MGST1: variants seen among roughly 807,000 people sequenced by gnomAD.
MGST1 encodes the protein glutathione S-transferase 12.
MGST1 carries 5 observed loss-of-function variants against 8.9 expected under a neutral mutation model. The observed-to-expected ratio is 0.56, with a 90% CI of 0.29 to 1.19. The LOEUF is 1.19. Among genes scored for constraint, MGST1 ranks in the 50% most tolerant of loss-of-function variants. The pLI, the probability that MGST1 is intolerant of heterozygous loss-of-function variation, is 0.08. For synonymous variants in MGST1, 54 were observed against 67.8 expected, an observed-to-expected ratio of 0.80 and a Z score of 1.00; for missense variants, 182 against 187.4, an observed-to-expected ratio of 0.97 and a Z score of 0.17.
Position 16,589,008 on chromosome 12 carries a change from G to A in MGST1, n.483-520G>A, listed in dbSNP as rs78654687. Among the ~76,000 whole-genome samples, 4,376 of 152,054 alleles carry A rather than the reference G, an allele frequency of 0.029. 214 individuals carry two copies. The highest frequency in any genetic ancestry group is 0.1 in the African/African-American group (4,141 of 41,446). ...GATTCCTATTTCTAGAGAAGAAAACGCAGACTTGGAGAGGTTGAGTAAGTT... is the reference window on the plus strand; with the variant it reads ...GATTCCTATTTCTAGAGAAGAAAACACAGACTTGGAGAGGTTGAGTAAGTT... On this transcript the variant is annotated intron_variant and non_coding_transcript_variant, in intron 4 of 4. Transcript: ENST00000538857. This position sits in a 1 kb window ranked among gnomAD's most constrained non-coding sequence, Gnocchi z 4.2.
At chr12:16,552,081 T>C (rs993633115) in intron 4 of MGST1, among the ~76,000 whole-genome samples, 3 of 152,218 alleles carry the variant, frequency 2.0e-5, no homozygotes, top group East Asian at 3.9e-4. Context: ...TCATAAAGCA[T>C]TGTTTAATGT....
chr12:16,394,276 C>CT (rs1389101783), intron 1 of MGST1, among the ~76,000 whole-genome samples: 1 of 151,260 alleles, frequency 6.6e-6, no homozygotes, highest in African/African-American at 2.4e-5. Context: ...AGTATCTTTT[C>CT]TTTTTTTTCT....
At chr12:16,529,879 C>T (rs1304274733) in intron 4 of MGST1, among the ~76,000 whole-genome samples, 1 of 152,028 alleles carries the variant, frequency 6.6e-6, no homozygotes, top group Non-Finnish European at 1.5e-5. Context: ...CTCCAAACTG[C>T]TTTGATATGA....
At chr12:16,472,728 G>A (rs1053895731) in intron 4 of MGST1, among the ~76,000 whole-genome samples, 3 of 152,118 alleles carry the variant, frequency 2.0e-5, no homozygotes, top group Non-Finnish European at 4.4e-5. Context: ...TTCAAATTGG[G>A]ATACTTAGGT....
chr12:16,365,302 A>C (rs9332951), downstream of MGST1, among the ~76,000 whole-genome samples: 533 of 152,264 alleles, frequency 3.5e-3, 4 homozygotes, highest in African/African-American at 0.013. Flanking sequence ...AGTCTTTATA[A>C]TAAAGGGTAA....
chr12:16,441,647 C>G (rs971025469), downstream of MGST1, among the ~76,000 whole-genome samples: 1 of 151,716 alleles, frequency 6.6e-6, no homozygotes, highest in Non-Finnish European at 1.5e-5. Context: ...TCCTCCGTGT[C>G]TTTTCATGGC....
In MGST1 at chr12:16,388,146, A is replaced by G. The variant is rs548770519; in HGVS notation, n.778+4542A>G. On this transcript the variant is annotated intron_variant and non_coding_transcript_variant, in intron 1 of 1. Transcript: ENST00000359720. The stretch of plus-strand genomic sequence containing the variant: ...AAGTAATTGCGGTTTTTGCCATAAA[A>G]GTGATGACAAAAACTGCAATTACTT... Among the ~76,000 whole-genome samples the G allele has an allele frequency of 1.2e-4, 18 of 151,588 alleles. No individual in the cohort carries two copies. The South Asian group carries it at 3.8e-3, about 32-fold the overall frequency.
intron 4 of MGST1, among the ~76,000 whole-genome samples, chr12:16,570,705 G>A (rs1188510907): frequency 6.6e-6 from 1 of 152,144 alleles, no homozygotes; most frequent in African/African-American, 2.4e-5. Context: ...GGACTGCAAT[G>A]CAAAACTCAC....
chr12:16,527,216 A>G (rs1271629154), intron 4 of MGST1, among the ~76,000 whole-genome samples: 1 of 152,044 alleles, frequency 6.6e-6, no homozygotes. Flanking sequence ...CTTTGCATGT[A>G]TTAAATAATA....
chr12:16,561,625 C>CA (rs1491134853), intron 4 of MGST1, among the ~76,000 whole-genome samples: 1 of 152,194 alleles, frequency 6.6e-6, no homozygotes, highest in Non-Finnish European at 1.5e-5. Context: ...AAGGATTAGG[C>CA]ACAAATGTGC....
At chr12:16,435,110 A>G (rs1251406335) in intron 1 of MGST1, among the ~76,000 whole-genome samples, 2 of 151,998 alleles carry the variant, frequency 1.3e-5, no homozygotes, top group Non-Finnish European at 2.9e-5. Flanking sequence ...CTATATGCCA[A>G]TGTACCAGGC....
chr12:16,561,349 G>C (rs1942398175), intron 4 of MGST1, among the ~76,000 whole-genome samples: 1 of 151,984 alleles, frequency 6.6e-6, no homozygotes, highest in Non-Finnish European at 1.5e-5. Context: ...GATAATGGAG[G>C]GGAAGAATTA....
chr12:16,508,121 G>T (rs915042550), intron 4 of MGST1, among the ~76,000 whole-genome samples: 6 of 152,094 alleles, frequency 3.9e-5, no homozygotes, highest in African/African-American at 1.4e-4. Context: ...CAACCTGATG[G>T]CAGGAACCAT....
Position 16,560,339 on chromosome 12 carries a change from T to G in MGST1, n.483-29189T>G. The G allele has an allele frequency of 6.8e-7, 1 of 1,472,768 alleles. No homozygotes were observed. Among genetic ancestry groups the G allele is most frequent in the Non-Finnish European group, 9.2e-7 (1 of 1,085,416 alleles). 91.2% of individuals were successfully genotyped at this position (1,472,768 alleles called of 1,614,324 possible). On this transcript the variant is annotated intron_variant and non_coding_transcript_variant, in intron 4 of 4. Transcript: ENST00000538857. The surrounding 1 kb of genome is among the most constrained non-coding windows in gnomAD (Gnocchi z 5.0). Reference sequence around the variant, plus strand: ...GATTGCTTTAAATGTATGAATATAATTTCCACCTATTAAATAAATAGCCAG... The same window carrying G: ...GATTGCTTTAAATGTATGAATATAAGTTCCACCTATTAAATAAATAGCCAG...
chr12:16,437,303 T>C (rs1452705991), intron 1 of MGST1: 4 of 151,914 alleles, frequency 2.6e-5, no homozygotes, highest in Non-Finnish European at 5.9e-5. Flanking sequence ...AGAATATTGG[T>C]TAATTGTCAA....
At chr12:16,400,988 T>C in intron 1 of MGST1, 1 of 1,496,872 alleles carries the variant, frequency 6.7e-7, no homozygotes, top group Non-Finnish European at 9.3e-7. Flanking sequence ...CACTAGTTCT[T>C]TTTGATGTGC....
Position 16,559,855 on chromosome 12 carries a change from G to A in MGST1, n.483-29673G>A, listed in dbSNP as rs1009176786. 2.0e-5 allele frequency among the ~76,000 whole-genome samples: 3 copies of A among 151,738 alleles called. No individual in the cohort carries two copies. The highest frequency in any genetic ancestry group is 7.3e-5 in the African/African-American group (3 of 41,320). On this transcript the variant is annotated intron_variant and non_coding_transcript_variant, in intron 4 of 4. Transcript: ENST00000538857. The surrounding 1 kb of genome is among the most constrained non-coding windows in gnomAD (Gnocchi z 4.1). ...TGCACACCTGTACTCCCAGCTACTC[G>A]GGAGGCTGAGGCAGGAGGATTGCTT... is the stretch of plus-strand genomic sequence containing the variant.
intron 4 of MGST1, among the ~76,000 whole-genome samples, chr12:16,481,157 C>G (rs1355241453): frequency 1.3e-5 from 2 of 152,098 alleles, no homozygotes; most frequent in African/African-American, 4.8e-5. Context: ...AAAGCCCTCA[C>G]TTACTGAGAA....
chr12:16,535,538 A>G (rs535393280), intron 4 of MGST1, among the ~76,000 whole-genome samples: 1 of 152,306 alleles, frequency 6.6e-6, no homozygotes, highest in African/African-American at 2.4e-5. Flanking sequence ...AACTACACAA[A>G]CACCATGGGG....
Sources: gnomAD v4.1 joint callset for allele counts (sites outside exome capture counted in the v4.1 genomes callset) on GRCh38, gnomAD v4.1.1 for gene constraint, Gnocchi (gnomAD v3.1) non-coding constraint, MANE v1.5 for transcripts, NCBI Gene and HGNC (gene_info 2026-07-23, HGNC 2026-07-21) for gene names.